Variants in CPQ observed in about 807,000 individuals in gnomAD.
CPQ encodes Ser-Met dipeptidase.
In CPQ, 37 loss-of-function variants were observed where a neutral mutation model predicts 45.7. The observed-to-expected ratio is 0.81, with a 90% CI of 0.62 to 1.07. The LOEUF is 1.07. CPQ is among the 50% of genes least tolerant of loss of function. The pLI, the probability that CPQ is intolerant of heterozygous loss-of-function variation, is 0.00. For missense variants in CPQ, 537 were observed against 572.9 expected (o/e 0.94, Z 0.64); for synonymous variants, 186 against 205.8 (o/e 0.90, Z 0.82).
At chr8:96,965,822 T>C (rs1813547123) in intron 4 of CPQ, 113 bp from the exon 5 acceptor site, 2 of 650,714 alleles carry the variant, frequency 3.1e-6, no homozygotes, top group African/African-American at 3.7e-5. Flanking sequence ...GACATAAAAA[T>C]AGGAAAGAAA....
At chr8:96,974,118 CAGG>C (rs1813731759) in intron 5 of CPQ, among the ~76,000 whole-genome samples, 1 of 152,142 alleles carries the variant, frequency 6.6e-6, no homozygotes, top group Admixed American at 6.5e-5. Flanking sequence ...CTGCTGTCTT[CAGG>C]AGACTACTCT....
Position 96,710,123 on chromosome 8 carries a change from T to C in CPQ, c.-35+64721T>C, listed in dbSNP as rs576585432. On this transcript the variant is annotated intron_variant, in intron 1 of 7. Transcript: ENST00000220763. ...TCTTACTTATTCAAGCTAGGAGGGT[T>C]GTATATTTCTAAGAACTTATCCATT... is the stretch of plus-strand genomic sequence containing the variant. Among the ~76,000 whole-genome samples, 13 of 152,304 alleles carry C rather than the reference T, an allele frequency of 8.5e-5. No individual in the cohort carries two copies. In the East Asian group the frequency reaches 2.1e-3, roughly 25 times the overall value.
intron 2 of CPQ, among the ~76,000 whole-genome samples, chr8:96,800,053 G>T (rs1170593032): frequency 6.6e-6 from 1 of 152,138 alleles, no homozygotes; most frequent in African/African-American, 2.4e-5. Context: ...TTCCGTGAAG[G>T]ATACCATGAA....
At chr8:97,050,107 A>G (rs1810333433) in intron 6 of CPQ, among the ~76,000 whole-genome samples, 1 of 152,228 alleles carries the variant, frequency 6.6e-6, no homozygotes, top group Non-Finnish European at 1.5e-5. Flanking sequence ...GGCTGGCTAC[A>G]CCAGTCTTTG....
intron 7 of CPQ, among the ~76,000 whole-genome samples, chr8:97,140,903 A>T (rs750412737): frequency 2.9e-4 from 44 of 152,134 alleles, no homozygotes; most frequent in Non-Finnish European, 5.0e-4. Context: ...ATAAACATAT[A>T]AGGAAACTTA....
At chr8:96,922,042 TC>T (rs1444219366) in intron 4 of CPQ, among the ~76,000 whole-genome samples, 1 of 152,198 alleles carries the variant, frequency 6.6e-6, no homozygotes, top group Admixed American at 6.5e-5. Flanking sequence ...TGGAGAATGC[TC>T]CATTTTTCCC....
chr8:96,797,349 A>G (rs1343049058), intron 2 of CPQ, among the ~76,000 whole-genome samples: 1 of 152,196 alleles, frequency 6.6e-6, no homozygotes, highest in Non-Finnish European at 1.5e-5. Context: ...CCAACTCTCC[A>G]TATCTAACAC....
chr8:96,683,206 A>G (rs985154578), intron 1 of CPQ, among the ~76,000 whole-genome samples: 5 of 151,900 alleles, frequency 3.3e-5, no homozygotes, highest in Non-Finnish European at 7.4e-5. Context: ...GGGCTGATCT[A>G]GTGGTGATGA....
intron 2 of CPQ, among the ~76,000 whole-genome samples, chr8:96,830,061 G>A (rs1006785273): frequency 6.6e-6 from 1 of 152,154 alleles, no homozygotes; most frequent in Non-Finnish European, 1.5e-5. Flanking sequence ...TGAATGTGCA[G>A]TTTCCTTACC....
At chr8:97,051,582 G>A (rs1810363145) in intron 6 of CPQ, among the ~76,000 whole-genome samples, 1 of 152,152 alleles carries the variant, frequency 6.6e-6, no homozygotes, top group African/African-American at 2.4e-5. Flanking sequence ...ATTTTACATA[G>A]AGGTTAGTAA....
At chr8:96,831,257 A>G (rs1344110956) in intron 2 of CPQ, among the ~76,000 whole-genome samples, 2 of 151,958 alleles carry the variant, frequency 1.3e-5, no homozygotes, top group Non-Finnish European at 2.9e-5. Flanking sequence ...TGTGTTTCAC[A>G]CATTATGTGC....
intron 5 of CPQ, among the ~76,000 whole-genome samples, chr8:97,018,502 T>C (rs1174461455): frequency 6.6e-6 from 1 of 151,500 alleles, no homozygotes; most frequent in African/African-American, 2.4e-5. Context: ...ATACAAGAAG[T>C]GAAGGGAGAA....
At chr8:96,826,803 C>G (rs1461516781) in intron 2 of CPQ, among the ~76,000 whole-genome samples, 1 of 151,978 alleles carries the variant, frequency 6.6e-6, no homozygotes, top group African/African-American at 2.4e-5. Flanking sequence ...CAACAGGCCT[C>G]AGTGTGTGTT....
chr8:96,717,758 G>A (rs562724330), intron 1 of CPQ, among the ~76,000 whole-genome samples: 58 of 152,290 alleles, frequency 3.8e-4, no homozygotes, highest in Admixed American at 3.1e-3. Context: ...GGTCAGGCAA[G>A]TATGTGTTCT....
intron 1 of CPQ, among the ~76,000 whole-genome samples, chr8:96,754,063 C>T (rs1443737449): frequency 6.6e-6 from 1 of 151,754 alleles, no homozygotes; most frequent in Non-Finnish European, 1.5e-5. Flanking sequence ...CTGAGGTAAT[C>T]CCTACTTGAT....
At chr8:97,004,613 T>A (rs1427410548) in intron 5 of CPQ, among the ~76,000 whole-genome samples, 1 of 152,152 alleles carries the variant, frequency 6.6e-6, no homozygotes, top group East Asian at 1.9e-4. Flanking sequence ...CATTACAATG[T>A]TATTTGTAAT....
intron 7 of CPQ, 56 bp downstream of exon 7, chr8:97,066,266 A>C (rs1043364919): frequency 6.5e-7 from 1 of 1,531,428 alleles, no homozygotes; most frequent in Non-Finnish European, 8.8e-7. Context: ...TTTAAAATAA[A>C]ATTTCTGTTT....
chr8:97,044,643 G>C (rs1380725590), intron 6 of CPQ, among the ~76,000 whole-genome samples: 1 of 152,182 alleles, frequency 6.6e-6, no homozygotes. Flanking sequence ...TGATGATGGT[G>C]ATGTACAGAT....
chr8:97,082,846 T>C (rs1810974417), intron 7 of CPQ, among the ~76,000 whole-genome samples: 1 of 152,172 alleles, frequency 6.6e-6, no homozygotes. Flanking sequence ...CAGAGTTATT[T>C]ATTTATGTAA....
Sources: allele counts gnomAD v4.1 joint callset (sites outside exome capture counted in the v4.1 genomes callset), GRCh38; gene constraint gnomAD v4.1.1; transcripts MANE v1.5; gene names NCBI Gene and HGNC (gene_info 2026-07-23, HGNC 2026-07-21).